ZNF222: variants seen among roughly 807,000 people sequenced by gnomAD.
ZNF222 encodes zinc finger protein 222.
A neutral mutation model predicts 11.6 loss-of-function variants in ZNF222; 8 were observed. That is an observed-to-expected ratio of 0.69 (90% CI 0.41 to 1.25). ZNF222 has a LOEUF of 1.25. ZNF222 is among the 50% of genes most tolerant of loss of function. The pLI is 0.01. For missense variants in ZNF222, 483 were observed against 576.1 expected (o/e 0.84, Z 1.65); for synonymous variants, 171 against 195.6 (o/e 0.87, Z 1.05).
At position 44,031,832 on chromosome 19, in the gene ZNF222, C is replaced by G; in HGVS notation, c.278C>G (p.Thr93Ser). Reference sequence around the variant, plus strand: ...GTCCTTATAGGAGGCAAGATCCAAACTGAGATGGAGACTGTTCCAGAAGCA... The same window carrying G: ...GTCCTTATAGGAGGCAAGATCCAAAGTGAGATGGAGACTGTTCCAGAAGCA... ...REGNLGGKIQ[T>S]EMETVPEAGT... Residue 93 changes from threonine to serine, a missense_variant, in exon 4 of 4, where the codon ACT (threonine) becomes AGT (serine). Thr to Ser is a moderately conservative substitution (Grantham distance 58). Coordinates refer to ENST00000391960, the MANE Select transcript of ZNF222 (RefSeq NM_001129996.2). 6.2e-7 allele frequency: 1 copy of G among 1,613,574 alleles called. No individual in the cohort carries two copies. Among genetic ancestry groups the G allele is most frequent in the Non-Finnish European group, 8.5e-7 (1 of 1,179,706 alleles).
rs545247587 is a variant in ZNF222, at chr19:44,029,143, T to C, written c.262+1653T>C. Among the ~76,000 whole-genome samples the C allele has an allele frequency of 5.3e-4, 80 of 151,684 alleles. No homozygotes were observed. The South Asian group carries it at 6.9e-3, about 13-fold the overall frequency. On this transcript the variant is annotated intron_variant, in intron 3 of 3. Transcript: ENST00000391960. ...TCCATGTATGCTGAACCCACAGATA[T>C]AGAGGCTGACTATATGTTGCAGGAC...
rs554963889 is a variant in ZNF222 at position 44,025,540 on chromosome 19, G to C, written c.42+62G>C. ...CAGCTGAGCCTTCTGGCGTCGGGGG[G>C]CTCTGCTAGGGTCTCAGGGAGTGGG... On this transcript the variant is annotated intron_variant, in intron 1 of 3. Coordinates refer to ENST00000391960, the MANE Select transcript of ZNF222 (RefSeq NM_001129996.2). The surrounding 1 kb of genome is among the most constrained non-coding windows in gnomAD (Gnocchi z 4.6). 8.7e-6 allele frequency: 13 copies of C among 1,500,386 alleles called. No homozygotes were observed. The African/African-American group carries it at 9.8e-5, about 11-fold the overall frequency. 92.9% of individuals were successfully genotyped at this position (1,500,386 alleles called of 1,614,324 possible).
At chr19:44,026,952 C>G in intron 1 of ZNF222, 71 bp from the exon 2 acceptor site, 1 of 1,597,918 alleles carries the variant, frequency 6.3e-7, no homozygotes, top group Non-Finnish European at 8.5e-7. Context: ...GTCCCTTGTG[C>G]CAGTGCAATG....
At position 44,031,852 on chromosome 19, in the gene ZNF222, G is replaced by C. The variant is rs1413747729; in HGVS notation, c.298G>C (p.Glu100Gln). 6.2e-7 allele frequency: 1 copy of C among 1,614,070 alleles called. No individual in the cohort carries two copies. The highest frequency in any genetic ancestry group is 1.3e-5 in the African/African-American group (1 of 75,014). The change falls in exon 4 of 4, where the codon GAA (glutamate) becomes CAA (glutamine). Residue 100 changes from glutamate (E) to glutamine (Q), a missense_variant. By Grantham distance (29) the Glu-to-Gln change is conservative (BLOSUM62 2). Transcript: ENST00000391960. Reference protein sequence around the residue: ...KIQTEMETVPEAGTHEEFSCK... With the variant: ...KIQTEMETVPQAGTHEEFSCK... ...CCAAACTGAGATGGAGACTGTTCCA[G>C]AAGCAGGAACACATGAAGAATTTTC...
chr19:44,032,019 A>G lies in ZNF222; in HGVS notation c.465A>G (p.Lys155=), dbSNP rs1022730804. 3.4e-5 allele frequency: 55 copies of G among 1,613,972 alleles called. No homozygotes were observed. The highest frequency in any genetic ancestry group is 4.6e-5 in the Non-Finnish European group (54 of 1,180,010). ...TATCTACAGTTCACACAAGAGAAAAACCTTTCCAGGGTGAAAATTGTAAAC... is the reference window on the plus strand; with the variant it reads ...TATCTACAGTTCACACAAGAGAAAAGCCTTTCCAGGGTGAAAATTGTAAAC... ...ARLSTVHTRE[K]PFQGENCKQF... is the part of the protein sequence containing the mutation. Residue 155 remains lysine, a synonymous_variant, in exon 4 of 4, where the codon AAA becomes AAG. Transcript: ENST00000391960.
chr19:44,030,389 C>G (rs568055730), intron 3 of ZNF222, among the ~76,000 whole-genome samples: 1 of 152,290 alleles, frequency 6.6e-6, no homozygotes, highest in East Asian at 1.9e-4. Context: ...CAACCAACTA[C>G]GAAGTTTAGT....
chr19:44,032,743 G>C lies in ZNF222; in HGVS notation c.1189G>C (p.Asp397His), dbSNP rs777456739. Residue 397 changes from aspartate to histidine, a missense_variant, in exon 4 of 4, where the codon GAC becomes CAC. Physicochemically the swap from Asp to His is moderately conservative, Grantham distance 81. Coordinates refer to ENST00000391960, the MANE Select transcript of ZNF222 (RefSeq NM_001129996.2). ...GKGYISKSGLDFHHRTHTGER... is the reference protein window; with the variant it reads ...GKGYISKSGLHFHHRTHTGER... Reference sequence around the variant, plus strand: ...GGGCTACATTAGTAAGTCAGGTCTTGACTTCCACCATAGAACCCACACGGG... The same window carrying C: ...GGGCTACATTAGTAAGTCAGGTCTTCACTTCCACCATAGAACCCACACGGG... 6.2e-7 allele frequency: 1 copy of C among 1,614,190 alleles called. No individual in the cohort carries two copies. Among genetic ancestry groups the C allele is most frequent in the South Asian group, 1.1e-5 (1 of 91,084 alleles).
intron 2 of ZNF222, 35 bp from the exon 3 acceptor site, chr19:44,027,363 G>A (rs1471583974): frequency 1.3e-6 from 2 of 1,592,648 alleles, no homozygotes; most frequent in South Asian, 1.1e-5. Context: ...CCTTGAACAT[G>A]TTGGGATTAA....
In ZNF222 at chr19:44,031,837, A is replaced by G; in HGVS notation, c.283A>G (p.Met95Val). The stretch of plus-strand genomic sequence containing the variant: ...TATAGGAGGCAAGATCCAAACTGAG[A>G]TGGAGACTGTTCCAGAAGCAGGAAC... ...GNLGGKIQTE[M>V]ETVPEAGTHE... The change falls in exon 4 of 4, where the codon ATG becomes GTG. Residue 95 changes from methionine to valine, a missense_variant. Physicochemically the swap from Met to Val is conservative, Grantham distance 21 (BLOSUM62 1). Coordinates refer to ENST00000391960, the MANE Select transcript of ZNF222 (RefSeq NM_001129996.2). The G allele has an allele frequency of 6.2e-7, 1 of 1,613,954 alleles. No individual in the cohort carries two copies. The highest frequency in any genetic ancestry group is 8.5e-7 in the Non-Finnish European group (1 of 1,179,890).
intron 3 of ZNF222, among the ~76,000 whole-genome samples, chr19:44,030,382 C>A (rs1028605845): frequency 1.3e-5 from 2 of 152,298 alleles, no homozygotes; most frequent in Middle Eastern, 3.4e-3. Context: ...AAGAGTTCAA[C>A]CAACTACGAA....
chr19:44,027,867 G>A (rs904946263), intron 3 of ZNF222, among the ~76,000 whole-genome samples: 2 of 152,090 alleles, frequency 1.3e-5, no homozygotes, highest in Non-Finnish European at 2.9e-5. Flanking sequence ...CCTCCCTGCT[G>A]TTTCTCTATC....
At position 44,028,613 on chromosome 19, in the gene ZNF222, C is replaced by T. The variant is rs144538167; in HGVS notation, c.262+1123C>T. ...CATGTATTTTTGTCTACTGATAAGT[C>T]GCCCCTCCCCTTTGCAATGTAATCT... is the stretch of plus-strand genomic sequence containing the variant. On this transcript the variant is annotated intron_variant, in intron 3 of 3. Transcript: ENST00000391960. Among the ~76,000 whole-genome samples the T allele has an allele frequency of 3.6e-3, 547 of 152,288 alleles. 2 individuals are homozygous for T. The highest frequency in any genetic ancestry group is 0.012 in the African/African-American group (515 of 41,550).
chr19:44,026,212 A>G, intron 1 of ZNF222: 1 of 931,334 alleles, frequency 1.1e-6, no homozygotes, highest in East Asian at 2.5e-5. Context: ...TATTCCAAGT[A>G]CTTTATACCC....
intron 1 of ZNF222, among the ~76,000 whole-genome samples, chr19:44,026,364 A>T (rs1371145605): frequency 6.6e-6 from 1 of 152,064 alleles, no homozygotes; most frequent in Non-Finnish European, 1.5e-5. Flanking sequence ...CTTGAATGCA[A>T]TTCTCATTGA....
intron 1 of ZNF222, among the ~76,000 whole-genome samples, chr19:44,026,556 A>ATATATTTT (rs1491128087): frequency 2.2e-4 from 22 of 101,842 alleles, no homozygotes; most frequent in African/African-American, 7.0e-4. Context: ...ATATATATAT[A>ATATATTTT]TTTTTTTTTT....
Position 44,031,832 on chromosome 19 carries a change from C to T in ZNF222, c.278C>T (p.Thr93Ile), listed in dbSNP as rs889299557. ...REGNLGGKIQ[T>I]EMETVPEAGT... is the part of the protein sequence containing the mutation. ...GTCCTTATAGGAGGCAAGATCCAAA[C>T]TGAGATGGAGACTGTTCCAGAAGCA... The change falls in exon 4 of 4, where the codon ACT becomes ATT. Residue 93 changes from threonine (T) to isoleucine (I), a missense_variant. Coordinates refer to ENST00000391960, the MANE Select transcript of ZNF222 (RefSeq NM_001129996.2). The T allele has an allele frequency of 1.9e-6, 3 of 1,613,574 alleles. No individual in the cohort carries two copies. The highest frequency in any genetic ancestry group is 2.5e-6 in the Non-Finnish European group (3 of 1,179,706).
intron 3 of ZNF222, among the ~76,000 whole-genome samples, chr19:44,029,525 T>C (rs1170054562): frequency 1.3e-5 from 2 of 152,200 alleles, no homozygotes; most frequent in Middle Eastern, 6.3e-3. Context: ...GGAATATAGA[T>C]TTTACTGAAA....
intron 2 of ZNF222, 63 bp from the exon 3 acceptor site, chr19:44,027,335 T>C: frequency 6.4e-7 from 1 of 1,571,978 alleles, no homozygotes; most frequent in Non-Finnish European, 8.8e-7. Flanking sequence ...CAATTACGTT[T>C]GCACCAACAT....
chr19:44,027,447 G>A lies in ZNF222; in HGVS notation c.219G>A (p.Lys73=), dbSNP rs548146516. ...GDTFHFLREE[K]FWVMGTTSQR... The stretch of plus-strand genomic sequence containing the variant: ...CTTTCCACTTCCTAAGGGAAGAAAA[G>A]TTTTGGGTGATGGGGACAACAAGCC... Residue 73 remains lysine, a synonymous_variant, in exon 3 of 4, where the codon AAG becomes AAA. Coordinates refer to ENST00000391960, the MANE Select transcript of ZNF222 (RefSeq NM_001129996.2). 2 of 1,614,136 alleles carry A rather than the reference G, an allele frequency of 1.2e-6. No individual in the cohort carries two copies. The highest frequency in any genetic ancestry group is 2.2e-5 in the East Asian group (1 of 44,886).
Sources: gnomAD v4.1 joint callset for allele counts (sites outside exome capture counted in the v4.1 genomes callset) on GRCh38, gnomAD v4.1.1 for gene constraint, Gnocchi (gnomAD v3.1) non-coding constraint, MANE v1.5 for transcripts, NCBI Gene and HGNC (gene_info 2026-07-23, HGNC 2026-07-21) for gene names.